COX7B2: variants seen among roughly 807,000 people sequenced by gnomAD.
The protein encoded by COX7B2 is cytochrome c oxidase subunit 7B2, mitochondrial.
For synonymous variants in COX7B2, 37 were observed against 32.1 expected, an observed-to-expected ratio of 1.15 and a Z score of -0.51; for missense variants, 109 against 95.9, an observed-to-expected ratio of 1.14 and a Z score of -0.57.
At chr4:46,854,077 A>T (rs1716864098) in intron 1 of COX7B2, among the ~76,000 whole-genome samples, 1 of 152,168 alleles carries the variant, frequency 6.6e-6, no homozygotes, top group Non-Finnish European at 1.5e-5. Flanking sequence ...GATTATTTTA[A>T]AATTAGACTA....
At chr4:46,900,831 T>TG (rs1182626770) in intron 1 of COX7B2, among the ~76,000 whole-genome samples, 2 of 152,184 alleles carry the variant, frequency 1.3e-5, no homozygotes, top group Admixed American at 1.3e-4. Flanking sequence ...ACCTAAGTCT[T>TG]GGACTTCCCA....
intron 2 of COX7B2, among the ~76,000 whole-genome samples, chr4:46,760,858 G>A (rs1577673411): frequency 6.6e-6 from 1 of 152,146 alleles, no homozygotes; most frequent in African/African-American, 2.4e-5. Context: ...TTAGTTAAGT[G>A]TTCAAAATTC....
chr4:46,813,812 C>A (rs1317257056), intron 2 of COX7B2, among the ~76,000 whole-genome samples: 2 of 151,812 alleles, frequency 1.3e-5, no homozygotes, highest in East Asian at 3.9e-4. Flanking sequence ...CAGTTAATAC[C>A]CAGAATATAA....
At chr4:46,760,640 T>G (rs894138731) in intron 2 of COX7B2, among the ~76,000 whole-genome samples, 1 of 152,092 alleles carries the variant, frequency 6.6e-6, no homozygotes, top group African/African-American at 2.4e-5. Flanking sequence ...CAATCCACCA[T>G]GGCATGTGTA....
chr4:46,903,496 T>G (rs546096173), intron 1 of COX7B2, among the ~76,000 whole-genome samples: 5 of 152,116 alleles, frequency 3.3e-5, no homozygotes, highest in Admixed American at 2.0e-4. Context: ...GTAGCCTAAG[T>G]GTACAGGGTT....
chr4:46,760,440 A>G (rs1417916885), intron 2 of COX7B2, among the ~76,000 whole-genome samples: 1 of 152,192 alleles, frequency 6.6e-6, no homozygotes, highest in East Asian at 1.9e-4. Flanking sequence ...CATCATTCTC[A>G]GCAAACTAAC....
intron 2 of COX7B2, among the ~76,000 whole-genome samples, chr4:46,756,184 CA>C (rs1715786983): frequency 6.6e-6 from 1 of 151,968 alleles, no homozygotes; most frequent in East Asian, 1.9e-4. Context: ...TGATCTTCAA[CA>C]AAATCAACAA....
At chr4:46,763,105 TATATA>T (rs923397702) in intron 2 of COX7B2, among the ~76,000 whole-genome samples, 14 of 129,450 alleles carry the variant, frequency 1.1e-4, no homozygotes, top group Non-Finnish European at 1.3e-4. Flanking sequence ...TATAATAAAT[TATATA>T]ATATATTACA....
intron 2 of COX7B2, among the ~76,000 whole-genome samples, chr4:46,769,658 G>T (rs577724941): frequency 7.2e-5 from 11 of 152,302 alleles, no homozygotes; most frequent in Admixed American, 4.6e-4. Flanking sequence ...AGCGATTGCA[G>T]TGAGTCAAGA....
intron 1 of COX7B2, among the ~76,000 whole-genome samples, chr4:46,902,510 C>G (rs183224729): frequency 6.6e-6 from 1 of 152,308 alleles, no homozygotes; most frequent in African/African-American, 2.4e-5. Context: ...AGCAATCTAT[C>G]AAGACATTGC....
intron 2 of COX7B2, among the ~76,000 whole-genome samples, chr4:46,742,230 C>T (rs1042742658): frequency 6.6e-6 from 1 of 152,114 alleles, no homozygotes; most frequent in African/African-American, 2.4e-5. Context: ...GGAGCTAGGA[C>T]TCCTGGACAT....
At chr4:46,872,525 G>A (rs1420026580) in intron 1 of COX7B2, among the ~76,000 whole-genome samples, 1 of 152,018 alleles carries the variant, frequency 6.6e-6, no homozygotes, top group Non-Finnish European at 1.5e-5. Flanking sequence ...TCTTTCCCAA[G>A]CAAAGCCAAG....
intron 2 of COX7B2, among the ~76,000 whole-genome samples, chr4:46,747,432 T>C (rs1395435463): frequency 6.6e-6 from 1 of 152,018 alleles, no homozygotes; most frequent in Non-Finnish European, 1.5e-5. Context: ...GCCTCCTGAG[T>C]AGCTGGGATT....
chr4:46,795,433 C>A (rs1718272278), intron 2 of COX7B2, among the ~76,000 whole-genome samples: 1 of 96,170 alleles, frequency 1.0e-5, no homozygotes, highest in South Asian at 4.1e-4. Flanking sequence ...GCCAGTTTTC[C>A]CAGCACCATT....
chr4:46,754,718 G>GTATATATATATATATATATATA (rs1235318797), intron 2 of COX7B2, among the ~76,000 whole-genome samples: 2 of 35,088 alleles, frequency 5.7e-5, no homozygotes, highest in Admixed American at 4.3e-4. Flanking sequence ...GTGTGTGTGT[G>GTATATATATATATATATATATA]TGTGTGTGTG....
intron 2 of COX7B2, 114 bp downstream of exon 2, chr4:46,844,846 A>G (rs1411894788): frequency 6.6e-6 from 1 of 152,060 alleles, no homozygotes; most frequent in Non-Finnish European, 1.5e-5. Flanking sequence ...AATTTTTTAA[A>G]AATGAATTCA....
intron 2 of COX7B2, among the ~76,000 whole-genome samples, chr4:46,748,146 C>T (rs1419676426): frequency 6.6e-6 from 1 of 152,072 alleles, no homozygotes; most frequent in Non-Finnish European, 1.5e-5. Context: ...CAATAGTAGC[C>T]ATGCTTCATA....
At chr4:46,754,697 CGTGTGTGTGTGT>C (rs367614632) in intron 2 of COX7B2, among the ~76,000 whole-genome samples, 5 of 73,842 alleles carry the variant, frequency 6.8e-5, no homozygotes, top group African/African-American at 2.2e-4. Flanking sequence ...CAATAAAATA[CGTGTGTGTGTGT>C]GTGTGTGTGT....
At chr4:46,808,194 T>A (rs998187664) in intron 2 of COX7B2, among the ~76,000 whole-genome samples, 9 of 151,888 alleles carry the variant, frequency 5.9e-5, no homozygotes, top group African/African-American at 1.9e-4. Context: ...CTTTTCAATC[T>A]CTTTCATTAA....
Sources: gnomAD v4.1 joint callset for allele counts (sites outside exome capture counted in the v4.1 genomes callset) on GRCh38, gnomAD v4.1.1 for gene constraint, MANE v1.5 for transcripts, NCBI Gene and HGNC (gene_info 2026-07-23, HGNC 2026-07-21) for gene names.